SAMMSON: variants seen among roughly 807,000 people sequenced by gnomAD.
SAMMSON encodes survival associated mitochondrial melanoma specific oncogenic non-coding RNA, also known as long intergenic non-protein coding RNA 1212.
At chr3:70,207,307 T>C (rs1701300116) in intron 4 of SAMMSON, among the ~76,000 whole-genome samples, 2 of 152,258 alleles carry the variant, frequency 1.3e-5, no homozygotes, top group Admixed American at 6.5e-5. Flanking sequence ...TTCCTGCTTC[T>C]GTCCTCATAA....
chr3:70,084,132 A>G (rs2067277070), intron 4 of SAMMSON, among the ~76,000 whole-genome samples: 1 of 152,172 alleles, frequency 6.6e-6, no homozygotes, highest in African/African-American at 2.4e-5. Flanking sequence ...CAGGATGCCC[A>G]TCACACGCCT....
At chr3:70,407,925 A>G (rs971512883) in intron 2 of SAMMSON, among the ~76,000 whole-genome samples, 1 of 152,234 alleles carries the variant, frequency 6.6e-6, no homozygotes, top group Non-Finnish European at 1.5e-5. Context: ...CTGCCTGGGC[A>G]TCTAAGCATG....
At chr3:70,026,552 C>T (rs952457996) in intron 3 of SAMMSON, among the ~76,000 whole-genome samples, 2 of 152,174 alleles carry the variant, frequency 1.3e-5, no homozygotes, top group African/African-American at 4.8e-5. Flanking sequence ...CTGATCACCA[C>T]AGACAAGTGG....
chr3:70,026,691 A>C (rs1418984517), intron 3 of SAMMSON, among the ~76,000 whole-genome samples: 2 of 152,192 alleles, frequency 1.3e-5, no homozygotes, highest in East Asian at 1.9e-4. Flanking sequence ...TTAGAGATTC[A>C]TGTTGATGAT....
At chr3:70,283,265 C>A (rs1186523521) in intron 6 of SAMMSON, among the ~76,000 whole-genome samples, 1 of 151,982 alleles carries the variant, frequency 6.6e-6, no homozygotes, top group Non-Finnish European at 1.5e-5. Context: ...TCATGCAGTC[C>A]TCTGATTGAT....
At chr3:70,238,092 C>T (rs915978322) in intron 4 of SAMMSON, among the ~76,000 whole-genome samples, 12 of 139,288 alleles carry the variant, frequency 8.6e-5, no homozygotes, top group Non-Finnish European at 1.8e-4. Flanking sequence ...AAATGGCTTG[C>T]CCTGTCCTGC....
intron 6 of SAMMSON, among the ~76,000 whole-genome samples, chr3:70,290,738 C>A (rs567865896): frequency 6.6e-6 from 1 of 152,156 alleles, no homozygotes; most frequent in African/African-American, 2.4e-5. Flanking sequence ...ACCCTCCGAG[C>A]CAGGTGCAGG....
intron 6 of SAMMSON, among the ~76,000 whole-genome samples, chr3:70,256,089 T>C (rs749492300): frequency 6.6e-5 from 10 of 152,192 alleles, no homozygotes; most frequent in Non-Finnish European, 1.5e-4. Context: ...ATTCAGGGTT[T>C]TAGGTAATGG....
intron 7 of SAMMSON, among the ~76,000 whole-genome samples, chr3:70,318,726 G>C (rs1702514249): frequency 6.6e-6 from 1 of 152,022 alleles, no homozygotes; most frequent in South Asian, 2.1e-4. Flanking sequence ...ACATGGTAGA[G>C]AGTCTGGACA....
In SAMMSON at chr3:70,179,461, G is replaced by A. The variant is rs144940878; in HGVS notation, n.508-69646G>A. On this transcript the variant is annotated intron_variant and non_coding_transcript_variant, in intron 4 of 9. Coordinates refer to ENST00000642114, the Ensembl canonical transcript of SAMMSON. ...GGCTGAGGGGGAAGAGAAGCCCAGC[G>A]CCCTGCTCCCTCAGCTGCTCTTGGC... Among the ~76,000 whole-genome samples, 97 of 152,318 alleles carry A rather than the reference G, an allele frequency of 6.4e-4. 2 individuals are homozygous for A. The highest frequency in any genetic ancestry group is 5.8e-3 in the South Asian group (28 of 4,826).
chr3:70,197,188 G>A (rs1370701602), intron 4 of SAMMSON: 1 of 398,394 alleles, frequency 2.5e-6, no homozygotes, highest in Non-Finnish European at 4.4e-6. Context: ...ACACTCCTCT[G>A]TTTAAAGAAG....
intron 4 of SAMMSON, among the ~76,000 whole-genome samples, chr3:70,231,853 A>G (rs1190440438): frequency 2.0e-5 from 3 of 152,060 alleles, no homozygotes; most frequent in Admixed American, 2.0e-4. Flanking sequence ...AAGCTACTAA[A>G]CAGGCCTGCT....
chr3:70,233,477 C>G (rs1242132838), intron 4 of SAMMSON, among the ~76,000 whole-genome samples: 4 of 152,048 alleles, frequency 2.6e-5, no homozygotes. Flanking sequence ...TGTTTAAAAC[C>G]TTTTTATAGA....
chr3:70,339,896 A>T (rs1305605777), intron 7 of SAMMSON, among the ~76,000 whole-genome samples: 8 of 152,190 alleles, frequency 5.3e-5, no homozygotes, highest in Non-Finnish European at 7.3e-5. Flanking sequence ...CAGCCATCCC[A>T]TTACTGGGTA....
At chr3:70,279,598 G>A (rs1335807452) in intron 6 of SAMMSON, among the ~76,000 whole-genome samples, 1 of 152,112 alleles carries the variant, frequency 6.6e-6, no homozygotes, top group Non-Finnish European at 1.5e-5. Flanking sequence ...ACGGAATCTG[G>A]GTTGAAGGCT....
chr3:70,284,158 A>G (rs11924886), intron 6 of SAMMSON, among the ~76,000 whole-genome samples: 71,687 of 151,950 alleles, frequency 0.47, 17,562 homozygotes, highest in East Asian at 0.81. Context: ...CAAGAGTCAC[A>G]GTGTATTTCA....
chr3:70,051,551 G>C (rs747407952), intron 3 of SAMMSON, among the ~76,000 whole-genome samples: 8 of 151,180 alleles, frequency 5.3e-5, no homozygotes, highest in Non-Finnish European at 1.2e-4. Context: ...GCTGTTAAAA[G>C]GGTTGTTTAG....
chr3:70,348,692 G>C (rs556464310), intron 7 of SAMMSON, among the ~76,000 whole-genome samples: 1 of 152,284 alleles, frequency 6.6e-6, no homozygotes, highest in African/African-American at 2.4e-5. Context: ...TATTGGAACA[G>C]CATAGAAGCC....
chr3:70,208,546 T>C (rs989826768), intron 4 of SAMMSON, among the ~76,000 whole-genome samples: 3 of 152,080 alleles, frequency 2.0e-5, no homozygotes, highest in Non-Finnish European at 2.9e-5. Context: ...AGGAGACCAA[T>C]TAAATCACAA....
Sources: allele counts gnomAD v4.1 joint callset (sites outside exome capture counted in the v4.1 genomes callset), GRCh38; gene constraint gnomAD v4.1.1; transcripts MANE v1.5; gene names NCBI Gene and HGNC (gene_info 2026-07-23, HGNC 2026-07-21).